The following TMCO4 variants were observed in gnomAD, a reference collection of about 807,000 sequenced individuals.
The protein encoded by TMCO4 is transmembrane and coiled-coil domains 4.
A neutral mutation model predicts 64.7 loss-of-function variants in TMCO4; 58 were observed. That is an observed-to-expected ratio of 0.90 (90% CI 0.73 to 1.12). The LOEUF (loss-of-function observed/expected upper bound fraction) is 1.12, where lower values mean the gene tolerates loss of function less well. TMCO4 is among the 50% of genes most tolerant of loss of function. The probability of loss-of-function intolerance (pLI) is 0.00; values close to 1 mark genes in which losing one functional copy is unlikely to be tolerated. For synonymous variants in TMCO4, 325 were observed against 346.1 expected (o/e 0.94, Z 0.68); for missense variants, 780 against 825.9 (o/e 0.94, Z 0.68).
At chr1:19,693,773 G>T (rs1460203741) in intron 15 of TMCO4, among the ~76,000 whole-genome samples, 8 of 152,178 alleles carry the variant, frequency 5.3e-5, no homozygotes, top group African/African-American at 1.7e-4. Flanking sequence ...GCAGGCAGGT[G>T]CTTCTGCTTT....
Position 19,753,148 on chromosome 1 carries a change from C to T in TMCO4, c.515+2486G>A, listed in dbSNP as rs182461582. 1.1e-3 allele frequency among the ~76,000 whole-genome samples: 172 copies of T among 151,972 alleles called. 3 individuals are homozygous for T. The East Asian group carries it at 0.027, about 23-fold the overall frequency. ...CTAATTTTTGTATTTTTAGTAGAGA[C>T]GGGGTTTCACCATGTTGGTCAGGCT... On this transcript the variant is annotated intron_variant, in intron 7 of 15. Coordinates refer to ENST00000294543, the MANE Select transcript of TMCO4 (RefSeq NM_181719.7).
rs887296429 is a variant in TMCO4 at position 19,739,380 on chromosome 1, G to T, written c.1179+444C>A. Among the ~76,000 whole-genome samples, 22 of 152,310 alleles carry T rather than the reference G, an allele frequency of 1.4e-4. No individual in the cohort carries two copies. In the East Asian group the frequency reaches 2.1e-3, roughly 15 times the overall value. ...TCTGGGAAGGAACACCAGGCCACCA[G>T]CATGTGGGAATTCCATTGGTGGCCA... On this transcript the variant is annotated intron_variant, in intron 12 of 15. Transcript: ENST00000294543.
intron 10 of TMCO4, among the ~76,000 whole-genome samples, chr1:19,744,649 T>A (rs962680340): frequency 6.6e-6 from 1 of 152,168 alleles, no homozygotes; most frequent in Non-Finnish European, 1.5e-5. Context: ...AGCCATCCTG[T>A]GCTCTTTTGG....
intron 15 of TMCO4, among the ~76,000 whole-genome samples, chr1:19,693,251 GGC>G (rs2095212631): frequency 6.7e-6 from 1 of 149,814 alleles, no homozygotes; most frequent in Non-Finnish European, 1.5e-5. Context: ...GGGAGGCTGA[GGC>G]AGGCAGATCA....
At chr1:19,793,716 A>G (rs2044167610) in intron 2 of TMCO4, among the ~76,000 whole-genome samples, 2 of 152,164 alleles carry the variant, frequency 1.3e-5, no homozygotes, top group Admixed American at 6.5e-5. Context: ...TCGCTTCAGC[A>G]GTCTGGAGGA....
intron 13 of TMCO4, among the ~76,000 whole-genome samples, chr1:19,701,911 G>A (rs1373740803): frequency 6.6e-6 from 1 of 152,142 alleles, no homozygotes. Context: ...GAGGCATAAG[G>A]ATCGCTTCAG....
intron 15 of TMCO4, among the ~76,000 whole-genome samples, chr1:19,689,566 C>T (rs576441359): frequency 1.4e-3 from 206 of 152,352 alleles, no homozygotes; most frequent in African/African-American, 4.7e-3. Flanking sequence ...CAAGGTCACA[C>T]AGCCAGTAAA....
rs74056978 is a variant in TMCO4 at position 19,711,029 on chromosome 1, C to T, written c.1265-10144G>A. 9.1e-3 allele frequency among the ~76,000 whole-genome samples: 1,388 copies of T among 152,266 alleles called. 27 individuals are homozygous for T. Among genetic ancestry groups the T allele is most frequent in the African/African-American group, 0.031 (1,308 of 41,548 alleles). The stretch of plus-strand genomic sequence containing the variant: ...TAGGCAATTGGCCCACATCCTGCTA[C>T]GGGAACTCAATTTTCCCATCAGAAA... On this transcript the variant is annotated intron_variant, in intron 13 of 15. Coordinates refer to ENST00000294543, the MANE Select transcript of TMCO4 (RefSeq NM_181719.7).
chr1:19,720,720 C>T (rs1044941312), intron 13 of TMCO4, among the ~76,000 whole-genome samples: 3 of 152,092 alleles, frequency 2.0e-5, no homozygotes, highest in Non-Finnish European at 4.4e-5. Context: ...CTAGTAGAGA[C>T]CCGAAAGGTC....
chr1:19,712,051 C>T (rs945113213), intron 13 of TMCO4, among the ~76,000 whole-genome samples: 1 of 152,198 alleles, frequency 6.6e-6, no homozygotes, highest in Non-Finnish European at 1.5e-5. Flanking sequence ...CCCACCTCTG[C>T]ATCCCAAAGC....
chr1:19,736,439 C>G (rs1344436691), intron 13 of TMCO4, among the ~76,000 whole-genome samples: 1 of 152,176 alleles, frequency 6.6e-6, no homozygotes, highest in Non-Finnish European at 1.5e-5. Context: ...TCCTTCTCTC[C>G]CATCCACCCT....
intron 10 of TMCO4, among the ~76,000 whole-genome samples, chr1:19,742,275 G>T (rs1397671324): frequency 6.6e-6 from 1 of 152,186 alleles, no homozygotes; most frequent in Non-Finnish European, 1.5e-5. Context: ...CATCCTGTTT[G>T]ACGTGTGCCT....
At position 19,734,990 on chromosome 1, in the gene TMCO4, C is replaced by G. The variant is rs1233285584; in HGVS notation, c.1264+2382G>C. Reference sequence around the variant, plus strand: ...GGCACAGCAGCATGTGCCTGATTCCCTCACCCAAAGTCCAGCTCCTTCATC... The same window carrying G: ...GGCACAGCAGCATGTGCCTGATTCCGTCACCCAAAGTCCAGCTCCTTCATC... On this transcript the variant is annotated intron_variant, in intron 13 of 15. Transcript: ENST00000294543. This position sits in a 1 kb window ranked among gnomAD's most constrained non-coding sequence, Gnocchi z 4.4. Among the ~76,000 whole-genome samples the G allele has an allele frequency of 6.6e-6, 1 of 152,180 alleles. No homozygotes were observed. The highest frequency in any genetic ancestry group is 1.5e-5 in the Non-Finnish European group (1 of 68,024).
rs71579823 is a variant in TMCO4 at position 19,792,765 on chromosome 1, A to ATTTTT, written c.-101+5367_-101+5371dup. Among the ~76,000 whole-genome samples the ATTTTT allele has an allele frequency of 9.8e-4, 88 of 89,652 alleles. 7 individuals carry two copies. Among genetic ancestry groups the ATTTTT allele is most frequent in the South Asian group, 1.8e-3 (4 of 2,186 alleles). The allele number at this position is 89,652 out of a possible 152,430, so 58.8% of individuals were successfully genotyped here. A position where few individuals can be genotyped will look rare whatever the true frequency, so the allele number is the denominator to read the frequency against. Reference sequence around the variant, plus strand: ...GAGCAGTCAGTGAAGGTCAAGGTCAATTTTTTTTTTTTTTTTTTTTTTTCA... The same window carrying ATTTTT: ...GAGCAGTCAGTGAAGGTCAAGGTCAATTTTTTTTTTTTTTTTTTTTTTTTTTTTCA... On this transcript the variant is annotated intron_variant, in intron 2 of 15. Transcript: ENST00000294543.
chr1:19,733,376 G>A (rs1047772140), intron 13 of TMCO4, among the ~76,000 whole-genome samples: 5 of 152,144 alleles, frequency 3.3e-5, no homozygotes, highest in Non-Finnish European at 5.9e-5. Context: ...CAAGCACTGG[G>A]GACACACACG....
At chr1:19,749,745 A>G (rs75576624) in intron 7 of TMCO4, among the ~76,000 whole-genome samples, 2,847 of 152,328 alleles carry the variant, frequency 0.019, 78 homozygotes, top group African/African-American at 0.065. Context: ...GCGATAATCT[A>G]GATAGGGTCA....
chr1:19,702,992 C>T (rs1443001003), intron 13 of TMCO4, among the ~76,000 whole-genome samples: 1 of 152,196 alleles, frequency 6.6e-6, no homozygotes, highest in African/African-American at 2.4e-5. Flanking sequence ...CTCCTTGTCA[C>T]AGATTATTGT....
rs183920235 is a variant in TMCO4, at chr1:19,714,856, G to C, written c.1265-13971C>G. Among the ~76,000 whole-genome samples, 210 of 152,250 alleles carry C rather than the reference G, an allele frequency of 1.4e-3. 1 individual carries two copies. The highest frequency in any genetic ancestry group is 4.8e-3 in the African/African-American group (198 of 41,524). Reference sequence around the variant, plus strand: ...GAGAATCGCTTGAACCCAGGAGGTGGAGGTTGCAGTAAGCCCAGATCGCGC... The same window carrying C: ...GAGAATCGCTTGAACCCAGGAGGTGCAGGTTGCAGTAAGCCCAGATCGCGC... On this transcript the variant is annotated intron_variant, in intron 13 of 15. Transcript: ENST00000294543.
At chr1:19,730,680 T>G (rs2095426530) in intron 13 of TMCO4, among the ~76,000 whole-genome samples, 1 of 152,196 alleles carries the variant, frequency 6.6e-6, no homozygotes, top group African/African-American at 2.4e-5. Flanking sequence ...CCCTGGTGTT[T>G]GCAGAATCAC....
Sources: gnomAD v4.1 joint callset for allele counts (sites outside exome capture counted in the v4.1 genomes callset) on GRCh38, gnomAD v4.1.1 for gene constraint, Gnocchi (gnomAD v3.1) non-coding constraint, MANE v1.5 for transcripts, NCBI Gene and HGNC (gene_info 2026-07-23, HGNC 2026-07-21) for gene names.